The following PTDSS1 variants were observed in gnomAD, a reference collection of about 807,000 sequenced individuals.
PTDSS1 encodes the protein phosphatidylserine synthase 1.
Under a neutral mutation model 70.5 loss-of-function variants are expected in PTDSS1, and 45 were observed. The observed-to-expected ratio is 0.64, with a 90% CI of 0.50 to 0.82. The LOEUF is 0.82. Ranked by LOEUF, PTDSS1 falls within the 40% of genes least tolerant of loss-of-function variation. The pLI is 0.00. For missense variants in PTDSS1, 417 were observed against 586.1 expected, an observed-to-expected ratio of 0.71 and a Z score of 2.98; for synonymous variants, 188 against 203.8, an observed-to-expected ratio of 0.92 and a Z score of 0.66.
At chr8:96,318,376 A>G (rs1167004521) in intron 9 of PTDSS1, among the ~76,000 whole-genome samples, 3 of 152,070 alleles carry the variant, frequency 2.0e-5, no homozygotes, top group African/African-American at 7.2e-5. Flanking sequence ...GAAATCTTTC[A>G]TAATAAACTC....
At chr8:96,295,578 A>G (rs1028853220) in intron 5 of PTDSS1, among the ~76,000 whole-genome samples, 3 of 152,230 alleles carry the variant, frequency 2.0e-5, no homozygotes, top group Admixed American at 6.5e-5. Flanking sequence ...TTAGAATTCA[A>G]TAGATCAGTT....
At chr8:96,268,291 C>G (rs943329330) in intron 1 of PTDSS1, among the ~76,000 whole-genome samples, 1 of 152,114 alleles carries the variant, frequency 6.6e-6, no homozygotes, top group Non-Finnish European at 1.5e-5. Flanking sequence ...TACCATGTAA[C>G]CTGGGATTAA....
At chr8:96,274,760 T>A (rs1810616997) in intron 2 of PTDSS1, among the ~76,000 whole-genome samples, 2 of 152,108 alleles carry the variant, frequency 1.3e-5, no homozygotes, top group South Asian at 4.1e-4. Flanking sequence ...AAGTTTTCCA[T>A]CGTAGTTAGG....
Position 96,335,106 on chromosome 8 carries a change from G to C in PTDSS1, c.*1540G>C, listed in dbSNP as rs1418990650. Reference sequence around the variant, plus strand: ...CGTCAGTGGCAGCTCCGCTCACTTGGTGAGTGAGGGATTTGGCTGTGATGA... The same window carrying C: ...CGTCAGTGGCAGCTCCGCTCACTTGCTGAGTGAGGGATTTGGCTGTGATGA... On this transcript the variant is annotated 3_prime_UTR_variant, in exon 13 of 13. Coordinates refer to ENST00000517309, the MANE Select transcript of PTDSS1 (RefSeq NM_014754.3). 6.6e-6 allele frequency: 1 copy of C among 152,188 alleles called. No individual in the cohort carries two copies. Among genetic ancestry groups the C allele is most frequent in the African/African-American group, 2.4e-5 (1 of 41,436 alleles). 9.4% of individuals were successfully genotyped at this position (152,188 alleles called of 1,614,324 possible). A position where few individuals can be genotyped will look rare whatever the true frequency, so the allele number is the denominator to read the frequency against.
chr8:96,328,333 T>A (rs7001236), intron 10 of PTDSS1, among the ~76,000 whole-genome samples: 14,505 of 152,188 alleles, frequency 0.095, 1,050 homozygotes, highest in African/African-American at 0.2. Context: ...AGGCTTACAC[T>A]CTGCAAATCA....
At chr8:96,330,129 G>C (rs542683240) in intron 10 of PTDSS1, 84 bp from the exon 11 acceptor site, 2 of 1,289,122 alleles carry the variant, frequency 1.6e-6, no homozygotes, top group African/African-American at 2.9e-5. Context: ...TGCATTGAAC[G>C]GTCCTGCATT....
intron 2 of PTDSS1, among the ~76,000 whole-genome samples, chr8:96,283,212 G>C (rs574861126): frequency 2.0e-3 from 310 of 152,334 alleles, no homozygotes; most frequent in Non-Finnish European, 3.6e-3. Context: ...TACCTGTAAA[G>C]AAGGCTGGGA....
In PTDSS1 at chr8:96,320,372, C is replaced by T. The variant is rs780675887; in HGVS notation, c.1173+27C>T. The T allele has an allele frequency of 3.2e-6, 5 of 1,541,434 alleles. No individual in the cohort carries two copies. In the South Asian group the frequency reaches 5.6e-5, roughly 17 times the overall value. Reference sequence around the variant, plus strand: ...TAAGTCACTGCATTTTACCCAAAGGCATTAGCTAAACTCTCATAGTATCAC... The same window carrying T: ...TAAGTCACTGCATTTTACCCAAAGGTATTAGCTAAACTCTCATAGTATCAC... On this transcript the variant is annotated intron_variant, in intron 10 of 12. Transcript: ENST00000517309.
At position 96,333,550 on chromosome 8, in the gene PTDSS1, G is replaced by A. The variant is rs1245156962; in HGVS notation, c.1406G>A (p.Gly469Asp). The change falls in exon 13 of 13, where the codon GGC (glycine) becomes GAC (aspartate). Residue 469 changes from glycine (G) to aspartate (D), a missense_variant. Transcript: ENST00000517309. ...CATTCCAAGTCAAAAGTCACCAATG[G>A]CGTTGGAAAGAAATGAAAAACCCTG... ...NRHSKSKVTN[G>D]VGKK 4 of 1,610,470 alleles carry A rather than the reference G, an allele frequency of 2.5e-6. No individual in the cohort carries two copies. The Admixed American group carries it at 6.7e-5, about 27-fold the overall frequency.
rs551347043 is a variant in PTDSS1 at position 96,275,554 on chromosome 8, C to T, written c.271+2164C>T. ...GAGGAGTGCTTGGGTCTTATGTAGACCCTCCTCTCCTTCAAGAGTGCCGTA... is the reference window on the plus strand; with the variant it reads ...GAGGAGTGCTTGGGTCTTATGTAGATCCTCCTCTCCTTCAAGAGTGCCGTA... On this transcript the variant is annotated intron_variant, in intron 2 of 12. Coordinates refer to ENST00000517309, the MANE Select transcript of PTDSS1 (RefSeq NM_014754.3). Among the ~76,000 whole-genome samples, 5 of 152,254 alleles carry T rather than the reference C, an allele frequency of 3.3e-5. No homozygotes were observed. The South Asian group carries it at 1.0e-3, about 32-fold the overall frequency.
chr8:96,268,012 CTTG>C (rs1427766978), intron 1 of PTDSS1, among the ~76,000 whole-genome samples: 1 of 152,196 alleles, frequency 6.6e-6, no homozygotes, highest in Non-Finnish European at 1.5e-5. Context: ...CTTCCAAATA[CTTG>C]TTATTATTGT....
intron 2 of PTDSS1, chr8:96,283,449 T>A (rs6987316): frequency 1.3e-5 from 2 of 152,098 alleles, no homozygotes; most frequent in South Asian, 2.1e-4. Flanking sequence ...ATCACTTGTC[T>A]TAAGGGAAAG....
At chr8:96,285,535 G>A (rs1168674259) in intron 3 of PTDSS1, among the ~76,000 whole-genome samples, 1 of 152,156 alleles carries the variant, frequency 6.6e-6, no homozygotes, top group African/African-American at 2.4e-5. Context: ...ATTCAATAGT[G>A]CTGTTTGAAG....
At position 96,325,780 on chromosome 8, in the gene PTDSS1, C is replaced by T. The variant is rs1980208; in HGVS notation, c.1174-4433C>T. Among the ~76,000 whole-genome samples, 1,006 of 152,256 alleles carry T rather than the reference C, an allele frequency of 6.6e-3. 16 individuals carry two copies. The highest frequency in any genetic ancestry group is 0.023 in the African/African-American group (950 of 41,536). On this transcript the variant is annotated intron_variant, in intron 10 of 12. Coordinates refer to ENST00000517309, the MANE Select transcript of PTDSS1 (RefSeq NM_014754.3). ...GAGGGCACAATAACACAATCTTTTT[C>T]CCCACCTGAGTTAAAAAATAAGTAA... is the stretch of plus-strand genomic sequence containing the variant.
At chr8:96,266,101 T>C (rs1195194192) in intron 1 of PTDSS1, among the ~76,000 whole-genome samples, 2 of 152,242 alleles carry the variant, frequency 1.3e-5, no homozygotes, top group African/African-American at 4.8e-5. Context: ...AAATATTGAA[T>C]GCCTTTAGTT....
chr8:96,320,543 T>C (rs914616374), intron 10 of PTDSS1, among the ~76,000 whole-genome samples, 198 bp downstream of exon 10: 1 of 152,072 alleles, frequency 6.6e-6, no homozygotes, highest in African/African-American at 2.4e-5. Flanking sequence ...CTGAAATAGG[T>C]CACCTCAGCA....
At chr8:96,330,377 G>A in intron 11 of PTDSS1, 96 bp downstream of exon 11, 1 of 1,236,894 alleles carries the variant, frequency 8.1e-7, no homozygotes, top group Admixed American at 2.0e-5. Context: ...ATATGGCGAG[G>A]TAAACACTGA....
intron 7 of PTDSS1, 146 bp from the exon 8 acceptor site, chr8:96,306,298 A>G: frequency 1.5e-6 from 1 of 655,650 alleles, no homozygotes; most frequent in Non-Finnish European, 2.6e-6. Flanking sequence ...ACTAGTTTGA[A>G]TAGCAATCCT....
rs73271831 is a variant in PTDSS1 at position 96,278,121 on chromosome 8, T to C, written c.271+4731T>C. Among the ~76,000 whole-genome samples, 835 of 152,330 alleles carry C rather than the reference T, an allele frequency of 5.5e-3. 6 individuals carry two copies. Among genetic ancestry groups the C allele is most frequent in the African/African-American group, 0.019 (783 of 41,576 alleles). On this transcript the variant is annotated intron_variant, in intron 2 of 12. Coordinates refer to ENST00000517309, the MANE Select transcript of PTDSS1 (RefSeq NM_014754.3). ...GTAGTGGCAGGCAATGGCCAGCAGA[T>C]GAAGAGATCATCTCTTCTCTTGTGT...
Sources: allele counts gnomAD v4.1 joint callset (sites outside exome capture counted in the v4.1 genomes callset), GRCh38; gene constraint gnomAD v4.1.1; transcripts MANE v1.5; gene names NCBI Gene and HGNC (gene_info 2026-07-23, HGNC 2026-07-21).